The following MTA2 variants were observed in gnomAD, a reference collection of about 807,000 sequenced individuals.
MTA2 encodes the protein metastasis-associated protein MTA2.
In MTA2, 22 loss-of-function variants were observed where a neutral mutation model predicts 87.1. The observed-to-expected ratio is 0.25, with a 90% CI of 0.18 to 0.36. MTA2 has a LOEUF of 0.36. MTA2 is among the 10% of genes least tolerant of loss of function. MTA2 has a pLI of 1.00. For synonymous variants in MTA2, 314 were observed against 310.1 expected (o/e 1.01, Z -0.13); for missense variants, 542 against 853.2 (o/e 0.64, Z 4.54).
At chr11:62,598,002 A>C in intron 6 of MTA2, 22 bp downstream of exon 6, 1 of 1,588,488 alleles carries the variant, frequency 6.3e-7, no homozygotes, top group East Asian at 2.2e-5. Flanking sequence ...TGGTAGCCGT[A>C]CAGTCTTGTC....
chr11:62,595,282 T>C lies in MTA2; in HGVS notation c.1465A>G (p.Asn489Asp). The C allele has an allele frequency of 6.2e-7, 1 of 1,614,188 alleles. No individual in the cohort carries two copies. Among genetic ancestry groups the C allele is most frequent in the South Asian group, 1.1e-5 (1 of 91,090 alleles). The change falls in exon 14 of 18, where the codon AAT becomes GAT. Residue 489 changes from asparagine to aspartate, a missense_variant. Asn to Asp is a conservative substitution (Grantham distance 23). Around this residue, in one of 6 missense-constraint regions of MTA2, gnomAD observed 269 missense variants for 346.4 expected, o/e 0.78. Coordinates refer to ENST00000278823, the MANE Select transcript of MTA2 (RefSeq NM_004739.4). This position sits in a 1 kb window ranked among gnomAD's most constrained non-coding sequence, Gnocchi z 4.9. ...ARRPYAPINA[N>D]AIKAECSIRL... ...CCCTTACACTCTGCTTTGATGGCAT[T>C]GGCATTGATAGGAGCATAAGGCCGT... is the stretch of plus-strand genomic sequence containing the variant.
At chr11:62,596,908 G>T in intron 8 of MTA2, 83 bp from the exon 9 acceptor site, 1 of 1,401,036 alleles carries the variant, frequency 7.1e-7, no homozygotes, top group Non-Finnish European at 9.7e-7. Context: ...TCCCACTCCC[G>T]GCCGGGCGCG....
chr11:62,598,395 A>G lies in MTA2; in HGVS notation c.309-5T>C. 2 of 1,613,994 alleles carry G rather than the reference A, an allele frequency of 1.2e-6. No individual in the cohort carries two copies. The highest frequency in any genetic ancestry group is 2.7e-5 in the African/African-American group (2 of 74,994). On this transcript the variant is annotated splice_polypyrimidine_tract_variant and splice_region_variant and intron_variant, in intron 4 of 17. Coordinates refer to ENST00000278823, the MANE Select transcript of MTA2 (RefSeq NM_004739.4). ...AGGGTCACACTGCATTTCCCCCTAT[A>G]GGAGAGAGATTGGAAAACCCCGGTG...
rs564122731 is a variant in MTA2 at position 62,600,408 on chromosome 11, C to G, written c.97-149G>C. 53 of 807,576 alleles carry G rather than the reference C, an allele frequency of 6.6e-5. 1 individual carries two copies. In the South Asian group the frequency reaches 9.0e-4, roughly 14 times the overall value. The allele number at this position is 807,576 out of a possible 1,614,324, so 50.0% of individuals were successfully genotyped here. A position where few individuals can be genotyped will look rare whatever the true frequency, so the allele number is the denominator to read the frequency against. ...GAAAATATGAGTAAAGACTTACATT[C>G]AAGGATAGACTTCCAAATCCCTTTC... On this transcript the variant is annotated intron_variant, in intron 2 of 17. Coordinates refer to ENST00000278823, the MANE Select transcript of MTA2 (RefSeq NM_004739.4).
rs990985309 is a variant in MTA2, at chr11:62,600,692, G to A, written c.29-3C>T. ...AGAGTTCTCAAAATAGACGTAATCTGTAAGGGAAGGGAGGGGGGAGAACCA... is the reference window on the plus strand; with the variant it reads ...AGAGTTCTCAAAATAGACGTAATCTATAAGGGAAGGGAGGGGGGAGAACCA... On this transcript the variant is annotated splice_polypyrimidine_tract_variant and splice_region_variant and intron_variant, in intron 1 of 17. Transcript: ENST00000278823. The A allele has an allele frequency of 1.2e-6, 2 of 1,613,450 alleles. No individual in the cohort carries two copies. Among genetic ancestry groups the A allele is most frequent in the Non-Finnish European group, 1.7e-6 (2 of 1,179,576 alleles).
At chr11:62,596,416 A>C (rs1175550668) in intron 10 of MTA2, 42 bp downstream of exon 10, 1 of 1,612,856 alleles carries the variant, frequency 6.2e-7, no homozygotes, top group African/African-American at 1.3e-5. Flanking sequence ...GGCAGAGGTC[A>C]GCAGGTAGCC....
chr11:62,597,830 G>C, intron 6 of MTA2, 118 bp from the exon 7 acceptor site: 1 of 1,030,850 alleles, frequency 9.7e-7, no homozygotes, highest in Non-Finnish European at 1.5e-6. Flanking sequence ...TCAACTCTCC[G>C]ACTTCTCTTC....
At chr11:62,600,048 T>A in intron 3 of MTA2, 118 bp downstream of exon 3, 1 of 902,178 alleles carries the variant, frequency 1.1e-6, no homozygotes, top group Non-Finnish European at 1.7e-6. Context: ...GGCCAGGCAT[T>A]TCCCACCCCC....
chr11:62,595,331 T>C lies in MTA2; in HGVS notation c.1416A>G (p.Leu472=), dbSNP rs1422627012. 2 of 1,614,094 alleles carry C rather than the reference T, an allele frequency of 1.2e-6. No individual in the cohort carries two copies. The highest frequency in any genetic ancestry group is 8.5e-7 in the Non-Finnish European group (1 of 1,180,032). Residue 472 remains leucine, a synonymous_variant, in exon 14 of 18, where the codon CTA becomes CTG. Transcript: ENST00000278823. This position sits in a 1 kb window ranked among gnomAD's most constrained non-coding sequence, Gnocchi z 4.9. The stretch of plus-strand genomic sequence containing the variant: ...GTCGGGCGGCCCTCCTTGGCTGTAA[T>C]AGGTCCCTGCACATGCGTCTGGCAA... ...TRLARRMCRD[L]LQPRRAARRP...
rs772959672 is a variant in MTA2, at chr11:62,595,914, G to A, written c.1115-23C>T. ...TGGCTGTAGAGTACGGAGAGGAGGG[G>A]GACAGGGAAGAAGCATACTACCTAA... On this transcript the variant is annotated intron_variant, in intron 12 of 17. Coordinates refer to ENST00000278823, the MANE Select transcript of MTA2 (RefSeq NM_004739.4). This position sits in a 1 kb window ranked among gnomAD's most constrained non-coding sequence, Gnocchi z 4.9. The A allele has an allele frequency of 5.6e-6, 9 of 1,614,070 alleles. No homozygotes were observed. Among genetic ancestry groups the A allele is most frequent in the South Asian group, 1.1e-5 (1 of 91,084 alleles).
In MTA2 at chr11:62,595,978, A is replaced by G. The variant is rs375014808; in HGVS notation, c.1114+32T>C. On this transcript the variant is annotated intron_variant, in intron 12 of 17. Coordinates refer to ENST00000278823, the MANE Select transcript of MTA2 (RefSeq NM_004739.4). The surrounding 1 kb of genome is among the most constrained non-coding windows in gnomAD (Gnocchi z 4.9). ...TTGAGCCACAGCAGGCCTTCCACCC[A>G]TCCCCACCATCCCAGTGCCCCCGTA... 1 of 1,613,846 alleles carries G rather than the reference A, an allele frequency of 6.2e-7. No individual in the cohort carries two copies.
rs1393526075 is a variant in MTA2 at position 62,597,359 on chromosome 11, C to T, written c.650G>A (p.Ser217Asn). Residue 217 changes from serine (S) to asparagine (N), a missense_variant, in exon 8 of 18, where the codon AGC becomes AAC. Ser to Asn is a conservative substitution (Grantham distance 46, BLOSUM62 1). This residue lies in a region of MTA2 where 44 missense variants were observed against 104.8 expected (regional missense o/e 0.42). Transcript: ENST00000278823. ...LDCSSSIRQP[S>N]LHMSAAAASR... ...GGCAGCAGCTGCACTCATGTGCAAG[C>T]TTGGCTGCCGAATGGAGCTGCTACA... 1 of 1,611,874 alleles carries T rather than the reference C, an allele frequency of 6.2e-7. No individual in the cohort carries two copies. The highest frequency in any genetic ancestry group is 1.3e-5 in the African/African-American group (1 of 74,806).
rs953627476 is a variant in MTA2 at position 62,594,994 on chromosome 11, G to A, written c.1560C>T (p.Ile520=). ...HPLVRLPLAT[I]VKDLVAQAPL... is the part of the protein sequence containing the mutation. ...CCCATCCCATACCCAGATCTTTGACGATAGTTGCCAGGGGCAGCCGCACCA... is the reference window on the plus strand; with the variant it reads ...CCCATCCCATACCCAGATCTTTGACAATAGTTGCCAGGGGCAGCCGCACCA... The change falls in exon 15 of 18, where the codon ATC becomes ATT. Residue 520 remains isoleucine, a synonymous_variant. Transcript: ENST00000278823. 1.2e-5 allele frequency: 19 copies of A among 1,613,994 alleles called. No individual in the cohort carries two copies. The highest frequency in any genetic ancestry group is 4.5e-5 in the East Asian group (2 of 44,900).
At chr11:62,599,049 G>A (rs1942139410) in intron 3 of MTA2, among the ~76,000 whole-genome samples, 1 of 152,136 alleles carries the variant, frequency 6.6e-6, no homozygotes, top group Non-Finnish European at 1.5e-5. Flanking sequence ...TTCAATTTCA[G>A]GAGACTCTTT....
chr11:62,600,573 C>T, intron 2 of MTA2, 49 bp downstream of exon 2: 1 of 1,548,322 alleles, frequency 6.5e-7, no homozygotes, highest in Non-Finnish European at 8.9e-7. Context: ...TTAGAAACCT[C>T]AGAAGAGACC....
At chr11:62,598,447 C>T (rs1420635098) in intron 4 of MTA2, 57 bp from the exon 5 acceptor site, 12 of 1,606,802 alleles carry the variant, frequency 7.5e-6, no homozygotes, top group Non-Finnish European at 1.0e-5. Flanking sequence ...CCCACAGCAT[C>T]TCTCAATACC....
intron 3 of MTA2, among the ~76,000 whole-genome samples, 154 bp from the exon 4 acceptor site, chr11:62,598,793 TCCTTCTTAGCTCTATGCC>T (rs1447249192): frequency 6.6e-6 from 1 of 152,200 alleles, no homozygotes; most frequent in African/African-American, 2.4e-5. Context: ...CCACCAGCTT[TCCTTCTTAGCTCTATGCC>T]CCATCATAGA....
chr11:62,594,658 G>A (rs754121527), intron 15 of MTA2, 24 bp from the exon 16 acceptor site: 17 of 1,600,994 alleles, frequency 1.1e-5, no homozygotes, highest in Admixed American at 6.7e-5. Flanking sequence ...GAAAACTTTC[G>A]CACCTTTTCT....
Position 62,598,406 on chromosome 11 carries a change from T to C in MTA2, c.309-16A>G. The C allele has an allele frequency of 6.2e-7, 1 of 1,613,846 alleles. No individual in the cohort carries two copies. Among genetic ancestry groups the C allele is most frequent in the Non-Finnish European group, 8.5e-7 (1 of 1,179,760 alleles). On this transcript the variant is annotated splice_polypyrimidine_tract_variant and intron_variant, in intron 4 of 17. Coordinates refer to ENST00000278823, the MANE Select transcript of MTA2 (RefSeq NM_004739.4). ...GCATTTCCCCCTATAGGAGAGAGAT[T>C]GGAAAACCCCGGTGAGCCCCACTCT... is the stretch of plus-strand genomic sequence containing the variant.
Sources: gnomAD v4.1 joint callset for allele counts (sites outside exome capture counted in the v4.1 genomes callset) on GRCh38, gnomAD v4.1.1 for gene constraint, gnomAD v4.1.1 regional missense constraint, Gnocchi (gnomAD v3.1) non-coding constraint, MANE v1.5 for transcripts, NCBI Gene and HGNC (gene_info 2026-07-23, HGNC 2026-07-21) for gene names.